NKAIN2: variants seen among roughly 807,000 people sequenced by gnomAD.
The protein encoded by NKAIN2 is sodium/potassium transporting ATPase interacting 2.
NKAIN2 carries 14 observed loss-of-function variants against 32.6 expected under a neutral mutation model. That is an observed-to-expected ratio of 0.43 (90% CI 0.28 to 0.67). The LOEUF (loss-of-function observed/expected upper bound fraction) is 0.67, where lower values mean the gene tolerates loss of function less well. Ranked by LOEUF, NKAIN2 falls within the 30% of genes least tolerant of loss-of-function variation. NKAIN2 has a pLI of 0.17. For missense variants in NKAIN2, 198 were observed against 258.3 expected (o/e 0.77, Z 1.60); for synonymous variants, 80 against 87.2 (o/e 0.92, Z 0.46).
At chr6:124,120,765 C>G (rs73566069) in intron 1 of NKAIN2, among the ~76,000 whole-genome samples, 7,074 of 152,030 alleles carry the variant, frequency 0.047, 559 homozygotes, top group African/African-American at 0.16. Flanking sequence ...AAATGTAAAA[C>G]CTTAATACAA....
At chr6:124,818,913 T>A (rs1005888681) in intron 6 of NKAIN2, among the ~76,000 whole-genome samples, 5 of 152,146 alleles carry the variant, frequency 3.3e-5, no homozygotes, top group African/African-American at 1.2e-4. Context: ...TCACCCTAGT[T>A]ATATGTAGTG....
chr6:123,859,370 T>A (rs1249426881), intron 1 of NKAIN2, among the ~76,000 whole-genome samples: 1 of 152,202 alleles, frequency 6.6e-6, no homozygotes, highest in Non-Finnish European at 1.5e-5. Context: ...ATGGCAGTGA[T>A]AACAGTCATA....
At chr6:124,699,735 G>A (rs1470195834) in intron 4 of NKAIN2, among the ~76,000 whole-genome samples, 2 of 152,114 alleles carry the variant, frequency 1.3e-5, no homozygotes, top group Non-Finnish European at 2.9e-5. Flanking sequence ...CCAGCATCAT[G>A]CTTCCTGTAC....
chr6:124,441,819 G>A lies in NKAIN2; in HGVS notation c.273+86472G>A, dbSNP rs183217482. Among the ~76,000 whole-genome samples the A allele has an allele frequency of 6.5e-4, 99 of 152,132 alleles. 1 individual carries two copies. In the East Asian group the frequency reaches 0.018, roughly 28 times the overall value. ...GAATTACTACCCCTTCTAGGTGGAAGGGGTTTAATATAGTCAACTTTCCAC... is the reference window on the plus strand; with the variant it reads ...GAATTACTACCCCTTCTAGGTGGAAAGGGTTTAATATAGTCAACTTTCCAC... On this transcript the variant is annotated intron_variant, in intron 3 of 6. Coordinates refer to ENST00000368417, the MANE Select transcript of NKAIN2 (RefSeq NM_001040214.3).
intron 3 of NKAIN2, among the ~76,000 whole-genome samples, chr6:124,638,471 G>A (rs924191139): frequency 6.6e-6 from 1 of 152,148 alleles, no homozygotes; most frequent in Non-Finnish European, 1.5e-5. Flanking sequence ...AGAGTGAAGA[G>A]ATAACCAGTA....
At chr6:124,139,956 G>A (rs1016842965) in intron 1 of NKAIN2, among the ~76,000 whole-genome samples, 3 of 152,166 alleles carry the variant, frequency 2.0e-5, no homozygotes, top group Admixed American at 6.5e-5. Flanking sequence ...CTTATGCACA[G>A]ATGTTATTAA....
At chr6:124,754,726 C>A (rs748336909) in intron 4 of NKAIN2, among the ~76,000 whole-genome samples, 3 of 151,988 alleles carry the variant, frequency 2.0e-5, no homozygotes, top group Non-Finnish European at 2.9e-5. Context: ...GACAGTGTGG[C>A]GATTCCTCAA....
At chr6:124,147,910 T>A (rs1210171593) in intron 1 of NKAIN2, among the ~76,000 whole-genome samples, 1 of 152,172 alleles carries the variant, frequency 6.6e-6, no homozygotes, top group Admixed American at 6.5e-5. Flanking sequence ...ATTTAGAGTA[T>A]AAAAACTTCC....
chr6:124,287,183 T>G (rs577940146), intron 2 of NKAIN2, among the ~76,000 whole-genome samples: 14 of 152,348 alleles, frequency 9.2e-5, no homozygotes, highest in African/African-American at 3.4e-4. Context: ...ATTATGAAAT[T>G]CAAATACCAT....
intron 1 of NKAIN2, among the ~76,000 whole-genome samples, chr6:124,150,755 A>G (rs1787675347): frequency 6.6e-6 from 1 of 152,206 alleles, no homozygotes; most frequent in Admixed American, 6.5e-5. Context: ...TTTTAAGCAC[A>G]CAGACAAACT....
At chr6:124,816,258 T>C (rs569937633) in intron 5 of NKAIN2, among the ~76,000 whole-genome samples, 48 of 152,112 alleles carry the variant, frequency 3.2e-4, no homozygotes, top group Middle Eastern at 6.8e-3. Context: ...AGTAAAAAGA[T>C]CAGTGATTGC....
intron 1 of NKAIN2, among the ~76,000 whole-genome samples, chr6:124,244,267 AGT>A (rs1388379940): frequency 8.2e-6 from 1 of 121,470 alleles, no homozygotes; most frequent in Non-Finnish European, 1.6e-5. Context: ...CAGTCCCCAG[AGT>A]GTGATGTTCC....
chr6:124,148,953 T>A (rs1412392345), intron 1 of NKAIN2, among the ~76,000 whole-genome samples: 11 of 152,180 alleles, frequency 7.2e-5, no homozygotes, highest in African/African-American at 2.7e-4. Flanking sequence ...AGTTTCTCTA[T>A]ACCCTCACCA....
chr6:124,087,789 C>T (rs576076304), intron 1 of NKAIN2, among the ~76,000 whole-genome samples: 1 of 152,020 alleles, frequency 6.6e-6, no homozygotes, highest in African/African-American at 2.4e-5. Flanking sequence ...ATTAGCATGC[C>T]TTATTAGCAG....
chr6:124,243,328 C>G (rs529053876), intron 1 of NKAIN2, among the ~76,000 whole-genome samples: 29 of 151,860 alleles, frequency 1.9e-4, no homozygotes, highest in Non-Finnish European at 1.5e-5. Flanking sequence ...AACTCCATCT[C>G]TACTAAAAAC....
intron 6 of NKAIN2, among the ~76,000 whole-genome samples, chr6:124,821,837 C>A (rs1781406599): frequency 6.6e-6 from 1 of 152,116 alleles, no homozygotes. Context: ...ACCTCGGATC[C>A]TAGAACAGTA....
Position 124,636,211 on chromosome 6 carries a change from G to GA in NKAIN2, c.274-21965dup, listed in dbSNP as rs373717497. Among the ~76,000 whole-genome samples, 552 of 145,982 alleles carry GA rather than the reference G, an allele frequency of 3.8e-3. 2 individuals are homozygous for GA. Among genetic ancestry groups the GA allele is most frequent in the African/African-American group, 0.013 (505 of 39,982 alleles). ...GCTGAATGACCAATGAGTCAATGAA[G>GA]AAAAAAAAAATCTTGAAACAAATGA... On this transcript the variant is annotated intron_variant, in intron 3 of 6. Transcript: ENST00000368417.
chr6:124,002,220 T>C (rs137914584), intron 1 of NKAIN2, among the ~76,000 whole-genome samples: 1 of 152,256 alleles, frequency 6.6e-6, no homozygotes, highest in African/African-American at 2.4e-5. Context: ...ATGCTCCCGG[T>C]ATATCTAATG....
At chr6:124,461,863 A>G (rs1342666312) in intron 3 of NKAIN2, among the ~76,000 whole-genome samples, 1 of 151,532 alleles carries the variant, frequency 6.6e-6, no homozygotes, top group Non-Finnish European at 1.5e-5. Context: ...TCCTTTTTCC[A>G]TCTTTCTTTT....
Sources: allele counts gnomAD v4.1 joint callset (sites outside exome capture counted in the v4.1 genomes callset), GRCh38; gene constraint gnomAD v4.1.1; transcripts MANE v1.5; gene names NCBI Gene and HGNC (gene_info 2026-07-23, HGNC 2026-07-21).